The following ABCA4 variants were observed in gnomAD, a reference collection of about 807,000 sequenced individuals.
ABCA4 encodes the protein retinal-specific phospholipid-transporting ATPase ABCA4.
In ABCA4, 196 loss-of-function variants were observed where a neutral mutation model predicts 263.7. The observed-to-expected ratio is 0.74, with a 90% CI of 0.66 to 0.84. ABCA4 has a LOEUF of 0.84. Among genes scored for constraint, ABCA4 ranks in the 40% least tolerant of loss-of-function variants. The pLI, the probability that ABCA4 is intolerant of heterozygous loss-of-function variation, is 0.00. For missense variants in ABCA4, 2,792 were observed against 2,855.1 expected (o/e 0.98, Z 0.50); for synonymous variants, 1,133 against 1,094.2 (o/e 1.04, Z -0.70).
intron 4 of ABCA4, among the ~76,000 whole-genome samples, chr1:94,105,604 G>T (rs956909796): frequency 7.1e-6 from 1 of 140,966 alleles, no homozygotes; most frequent in African/African-American, 2.5e-5. Context: ...TCCCTGGGAA[G>T]ATTAGAGGCT....
At chr1:94,019,019 GTTTTTTTTTT>G (rs757258025) in intron 36 of ABCA4, among the ~76,000 whole-genome samples, 6 of 76,430 alleles carry the variant, frequency 7.9e-5, no homozygotes, top group Admixed American at 3.1e-4. Context: ...AAACAACCAG[GTTTTTTTTTT>G]TTTTTTTTTT....
At chr1:94,005,339 G>A in intron 44 of ABCA4, 102 bp downstream of exon 44, 2 of 1,439,770 alleles carry the variant, frequency 1.4e-6, no homozygotes, top group South Asian at 2.3e-5. Flanking sequence ...ATGAATGAAT[G>A]AATAGCACGC....
chr1:94,080,776 T>C, intron 7 of ABCA4, 58 bp from the exon 8 acceptor site: 1 of 1,609,464 alleles, frequency 6.2e-7, no homozygotes, highest in Non-Finnish European at 8.5e-7. Context: ...TAATCTGCTG[T>C]GAGGCCAATG....
At chr1:94,120,646 T>C (rs1430332942) in intron 1 of ABCA4, among the ~76,000 whole-genome samples, 1 of 119,624 alleles carries the variant, frequency 8.4e-6, no homozygotes, top group East Asian at 2.5e-4. Context: ...CTGCTCAGCG[T>C]GGATGCCCTA....
At position 94,046,963 on chromosome 1, in the gene ABCA4, G is replaced by T. The variant is rs1570377939; in HGVS notation, c.2874C>A (p.Ile958=). ...CTCCATTGTGGCCCAGGAATGCGGT[G>T]ATCTGGTTCTCGTAGAAGGTGATGT... The part of the protein sequence containing the change: ...RLNITFYENQ[I]TAFLGHNGAG... The change falls in exon 19 of 50, where the codon ATC becomes ATA. Residue 958 remains isoleucine, a synonymous_variant. Coordinates refer to ENST00000370225, the MANE Select transcript of ABCA4 (RefSeq NM_000350.3). 6.2e-7 allele frequency: 1 copy of T among 1,614,160 alleles called. No individual in the cohort carries two copies. The highest frequency in any genetic ancestry group is 8.5e-7 in the Non-Finnish European group (1 of 1,180,024).
chr1:94,114,690 T>C (rs916702320), intron 1 of ABCA4, among the ~76,000 whole-genome samples: 2 of 152,160 alleles, frequency 1.3e-5, no homozygotes, highest in Non-Finnish European at 2.9e-5. Flanking sequence ...GGTTTCACCA[T>C]GTTAGCCAGG....
intron 1 of ABCA4, among the ~76,000 whole-genome samples, chr1:94,118,162 A>AC (rs1662853032): frequency 6.6e-6 from 1 of 152,148 alleles, no homozygotes; most frequent in African/African-American, 2.4e-5. Context: ...CCTCATCAGT[A>AC]CCGGGGGGAT....
chr1:94,024,140 A>C (rs1324246529), intron 31 of ABCA4, among the ~76,000 whole-genome samples: 1 of 152,170 alleles, frequency 6.6e-6, no homozygotes, highest in African/African-American at 2.4e-5. Context: ...TAATTAAGTC[A>C]ATTTATCCCT....
Position 94,030,503 on chromosome 1 carries a change from T to C in ABCA4, c.4277A>G (p.Gln1426Arg). The C allele has an allele frequency of 6.2e-7, 1 of 1,614,216 alleles. No individual in the cohort carries two copies. The highest frequency in any genetic ancestry group is 8.5e-7 in the Non-Finnish European group (1 of 1,180,022). The change falls in exon 29 of 50, where the codon CAG (glutamine) becomes CGG (arginine). Residue 1426 changes from glutamine (Q) to arginine (R), a missense_variant. Coordinates refer to ENST00000370225, the MANE Select transcript of ABCA4 (RefSeq NM_000350.3). The part of the protein sequence containing the change: ...FFSMDEPGSE[Q>R]FTVLADVLLN... ...GAGGACGTCTGCAAGTACCGTGAACTGCTCACTGCCTGGTTCATCCATGCT... is the reference window on the plus strand; with the variant it reads ...GAGGACGTCTGCAAGTACCGTGAACCGCTCACTGCCTGGTTCATCCATGCT...
Position 94,001,112 on chromosome 1 carries a change from G to T in ABCA4, c.6283-7C>A, listed in dbSNP as rs377629178. ...TCCCTGTGGTGGGCTCATCCTGGGG[G>T]GTGGAGAGAAGGTTGGGGGCACAGG... On this transcript the variant is annotated splice_region_variant and splice_polypyrimidine_tract_variant and intron_variant, in intron 45 of 49. Coordinates refer to ENST00000370225, the MANE Select transcript of ABCA4 (RefSeq NM_000350.3). 3.0e-5 allele frequency: 49 copies of T among 1,611,444 alleles called. 1 individual carries two copies. In the African/African-American group the frequency reaches 6.1e-4, roughly 20 times the overall value.
chr1:94,031,393 C>CAA (rs1557773218), intron 27 of ABCA4, among the ~76,000 whole-genome samples: 7 of 152,166 alleles, frequency 4.6e-5, no homozygotes, highest in African/African-American at 1.7e-4. Context: ...GAGCAAGTCA[C>CAA]GTGACTCACT....
At chr1:94,030,884 C>T (rs1660181728) in intron 28 of ABCA4, 112 bp downstream of exon 28, 3 of 1,499,610 alleles carry the variant, frequency 2.0e-6, no homozygotes, top group Non-Finnish European at 1.8e-6. Flanking sequence ...CCCCTCCCCT[C>T]TCTCATTGGT....
intron 43 of ABCA4, among the ~76,000 whole-genome samples, chr1:94,006,902 A>G (rs1659404324): frequency 6.6e-6 from 1 of 152,226 alleles, no homozygotes; most frequent in African/African-American, 2.4e-5. Flanking sequence ...TTTACTGTTC[A>G]AGCTTTTCCT....
intron 44 of ABCA4, among the ~76,000 whole-genome samples, chr1:94,002,948 G>T (rs1659232804): frequency 6.6e-6 from 1 of 151,894 alleles, no homozygotes; most frequent in African/African-American, 2.4e-5. Flanking sequence ...AAACATATAG[G>T]AATAAAAATA....
chr1:94,079,593 T>C, intron 8 of ABCA4, 132 bp from the exon 9 acceptor site: 4 of 1,325,294 alleles, frequency 3.0e-6, no homozygotes, highest in East Asian at 2.4e-5. Context: ...CCTAAATTAA[T>C]AGGCTGTACC....
In ABCA4 at chr1:94,029,425, G is replaced by A. The variant is rs957371956; in HGVS notation, c.4539+20C>T. 27 of 1,540,002 alleles carry A rather than the reference G, an allele frequency of 1.8e-5. No individual in the cohort carries two copies. Among genetic ancestry groups the A allele is most frequent in the Middle Eastern group, 2.2e-4 (1 of 4,452 alleles). ...CTGTGGCAGGCAGACCTGGGGCCCC[G>A]TTGTTTGGAGGTCAGGTACCTGGGG... On this transcript the variant is annotated intron_variant, in intron 30 of 49. Coordinates refer to ENST00000370225, the MANE Select transcript of ABCA4 (RefSeq NM_000350.3).
intron 4 of ABCA4, 78 bp downstream of exon 4, chr1:94,108,499 C>A: frequency 6.2e-7 from 1 of 1,601,418 alleles, no homozygotes; most frequent in South Asian, 1.1e-5. Flanking sequence ...TTCACCAACT[C>A]TCCCTGTTCT....
At chr1:94,035,802 T>C (rs572133284) in intron 26 of ABCA4, among the ~76,000 whole-genome samples, 46 of 152,330 alleles carry the variant, frequency 3.0e-4, no homozygotes, top group Admixed American at 2.5e-3. Context: ...TCCACACATC[T>C]ATCTCCCCAC....
chr1:94,094,070 G>A (rs1054858748), intron 6 of ABCA4, among the ~76,000 whole-genome samples: 1 of 152,154 alleles, frequency 6.6e-6, no homozygotes, highest in Non-Finnish European at 1.5e-5. Context: ...GGGAGAAATT[G>A]GAAAGAATGA....
Sources: allele counts gnomAD v4.1 joint callset (sites outside exome capture counted in the v4.1 genomes callset), GRCh38; gene constraint gnomAD v4.1.1; transcripts MANE v1.5; gene names NCBI Gene and HGNC (gene_info 2026-07-23, HGNC 2026-07-21).